Variants in SMURF1 observed in about 807,000 individuals in gnomAD.
The protein encoded by SMURF1 is SMAD specific E3 ubiquitin protein ligase 1.
SMURF1 carries 44 observed loss-of-function variants against 98.0 expected under a neutral mutation model. That is an observed-to-expected ratio of 0.45 (90% CI 0.35 to 0.58). The LOEUF (loss-of-function observed/expected upper bound fraction) is 0.58, where lower values mean the gene tolerates loss of function less well. Among genes scored for constraint, SMURF1 ranks in the 20% least tolerant of loss-of-function variants. The pLI is 0.00. For missense variants in SMURF1, 687 were observed against 938.4 expected (o/e 0.73, Z 3.50); for synonymous variants, 396 against 374.9 (o/e 1.06, Z -0.65).
intron 1 of SMURF1, among the ~76,000 whole-genome samples, chr7:99,092,333 G>C (rs2138088): frequency 0.061 from 9,244 of 152,172 alleles, 397 homozygotes; most frequent in East Asian, 0.2. Context: ...AGTCTTTCGA[G>C]TATGGCTGAT....
intron 1 of SMURF1, among the ~76,000 whole-genome samples, chr7:99,111,237 C>A (rs892629956): frequency 6.6e-6 from 1 of 151,960 alleles, no homozygotes; most frequent in African/African-American, 2.4e-5. Flanking sequence ...ACGAATGACA[C>A]CTAAAAAGAT....
intron 1 of SMURF1, among the ~76,000 whole-genome samples, chr7:99,077,526 G>A (rs1001400243): frequency 1.3e-5 from 2 of 151,748 alleles, no homozygotes; most frequent in South Asian, 2.1e-4. Context: ...TAGAGATGGG[G>A]TTTCAACATG....
intron 17 of SMURF1, 84 bp downstream of exon 17, chr7:99,032,953 A>G: frequency 1.4e-6 from 2 of 1,477,062 alleles, no homozygotes; most frequent in African/African-American, 1.4e-5. Flanking sequence ...CTCCATCTCA[A>G]AAAAAAACAA....
At chr7:99,063,215 G>GATATATATATATATAAGATTTATTTATAT (rs1796078223) in intron 1 of SMURF1, among the ~76,000 whole-genome samples, 3 of 93,846 alleles carry the variant, frequency 3.2e-5, no homozygotes, top group African/African-American at 1.4e-4. Flanking sequence ...ATATAGTCAA[G>GATATATATATATATAAGATTTATTTATAT]ATATATATAT....
chr7:99,083,201 G>C (rs997050815), intron 1 of SMURF1, among the ~76,000 whole-genome samples: 1 of 152,090 alleles, frequency 6.6e-6, no homozygotes, highest in Admixed American at 6.6e-5. Flanking sequence ...TTAAAATGGT[G>C]ACTTTTATAG....
At chr7:99,049,251 T>C (rs1795677824) in intron 9 of SMURF1, 1 of 317,372 alleles carries the variant, frequency 3.2e-6, no homozygotes, top group African/African-American at 2.2e-5. Flanking sequence ...CTTCTCAACC[T>C]AAGGGCCACG....
intron 1 of SMURF1, among the ~76,000 whole-genome samples, chr7:99,076,492 C>T (rs1796462178): frequency 6.6e-6 from 1 of 152,202 alleles, no homozygotes; most frequent in South Asian, 2.1e-4. Flanking sequence ...GAGGAACATT[C>T]TACAAATACC....
At chr7:99,050,601 G>C (rs886414055) in intron 8 of SMURF1, 1 of 239,256 alleles carries the variant, frequency 4.2e-6, no homozygotes, top group Non-Finnish European at 8.2e-6. Flanking sequence ...AGGGAGCACA[G>C]CTTTACTGAC....
At chr7:99,141,431 A>T (rs1798115884) in intron 1 of SMURF1, among the ~76,000 whole-genome samples, 1 of 152,274 alleles carries the variant, frequency 6.6e-6, no homozygotes, top group African/African-American at 2.4e-5. Context: ...TGAGCTGTAA[A>T]TCAGAACCAA....
intron 1 of SMURF1, among the ~76,000 whole-genome samples, chr7:99,108,881 A>C (rs1797259700): frequency 6.6e-6 from 1 of 152,140 alleles, no homozygotes; most frequent in Non-Finnish European, 1.5e-5. Context: ...AATTTGGAAG[A>C]GGTTGAGTTT....
At chr7:99,037,848 C>T (rs144047760) in intron 14 of SMURF1, among the ~76,000 whole-genome samples, 110 of 152,268 alleles carry the variant, frequency 7.2e-4, no homozygotes, top group African/African-American at 2.6e-3. Flanking sequence ...GCCAGGGGTT[C>T]GAGACCAGCC....
intron 1 of SMURF1, among the ~76,000 whole-genome samples, chr7:99,092,778 T>TG (rs1395024509): frequency 4.6e-5 from 7 of 152,122 alleles, no homozygotes; most frequent in Non-Finnish European, 1.0e-4. Context: ...CGATATATAG[T>TG]GAGTAAGGTA....
chr7:99,143,200 T>G (rs1436113162), intron 1 of SMURF1, among the ~76,000 whole-genome samples: 6 of 36,024 alleles, frequency 1.7e-4, no homozygotes, highest in Admixed American at 3.8e-4. Context: ...GGGTCAGGTT[T>G]GGGGAGGAAA....
At chr7:99,109,680 C>T (rs1296711230) in intron 1 of SMURF1, among the ~76,000 whole-genome samples, 1 of 152,188 alleles carries the variant, frequency 6.6e-6, no homozygotes, top group South Asian at 2.1e-4. Context: ...CAATCTCTTC[C>T]ATCTGAAATG....
chr7:99,075,616 T>C (rs1796435330), intron 1 of SMURF1, among the ~76,000 whole-genome samples: 1 of 151,044 alleles, frequency 6.6e-6, no homozygotes, highest in Non-Finnish European at 1.5e-5. Context: ...AGCATCAGAA[T>C]TGGGATTGAT....
Position 99,028,203 on chromosome 7 carries a change from C to T in SMURF1, c.*2381G>A, listed in dbSNP as rs1178258777. On this transcript the variant is annotated 3_prime_UTR_variant, in exon 18 of 18. Coordinates refer to ENST00000361368, the MANE Select transcript of SMURF1 (RefSeq NM_181349.3). The stretch of plus-strand genomic sequence containing the variant: ...TCGCGCGGACCCAAAGTAGAACAGT[C>T]GGGAAGCTTTTACCATTTGCTTTGC... 1.3e-5 allele frequency: 2 copies of T among 152,412 alleles called. No individual in the cohort carries two copies. The highest frequency in any genetic ancestry group is 1.9e-4 in the East Asian group (1 of 5,134). 9.4% of individuals were successfully genotyped at this position (152,412 alleles called of 1,614,324 possible).
At chr7:99,055,857 T>C (rs968609780) in intron 5 of SMURF1, among the ~76,000 whole-genome samples, 2 of 152,090 alleles carry the variant, frequency 1.3e-5, no homozygotes, top group South Asian at 4.1e-4. Flanking sequence ...CTCCAGCTAC[T>C]CAGGAGGCTG....
At chr7:99,061,324 A>G (rs1796030034) in intron 2 of SMURF1, among the ~76,000 whole-genome samples, 1 of 152,248 alleles carries the variant, frequency 6.6e-6, no homozygotes, top group African/African-American at 2.4e-5. Context: ...CACTGACCAG[A>G]TACTGCATGA....
chr7:99,071,696 C>T (rs766788215), intron 1 of SMURF1, among the ~76,000 whole-genome samples: 2 of 152,106 alleles, frequency 1.3e-5, no homozygotes, highest in Non-Finnish European at 2.9e-5. Flanking sequence ...AAAAGTGTCT[C>T]ATTAAAGTCT....
Sources: allele counts gnomAD v4.1 joint callset (sites outside exome capture counted in the v4.1 genomes callset), GRCh38; gene constraint gnomAD v4.1.1; transcripts MANE v1.5; gene names NCBI Gene and HGNC (gene_info 2026-07-23, HGNC 2026-07-21).